PRDM1: variants seen among roughly 807,000 people sequenced by gnomAD.
PRDM1 encodes the protein PR/SET domain 1.
A neutral mutation model predicts 62.8 loss-of-function variants in PRDM1; 13 were observed. The observed-to-expected ratio is 0.21, with a 90% CI of 0.13 to 0.33. The LOEUF (loss-of-function observed/expected upper bound fraction) is 0.33, where lower values mean the gene tolerates loss of function less well. Ranked by LOEUF, PRDM1 falls within the 10% of genes least tolerant of loss-of-function variation. PRDM1 has a pLI of 1.00. For synonymous variants in PRDM1, 396 were observed against 417.6 expected, an observed-to-expected ratio of 0.95 and a Z score of 0.63; for missense variants, 895 against 1,058.8, an observed-to-expected ratio of 0.85 and a Z score of 2.15.
intron 1 of PRDM1, among the ~76,000 whole-genome samples, chr6:106,012,683 C>T (rs1306685727): frequency 6.6e-6 from 1 of 152,158 alleles, no homozygotes; most frequent in Admixed American, 6.5e-5. Flanking sequence ...GCAACTCCCC[C>T]TCTCCCAGCA....
chr6:105,999,835 A>G (rs1378479937), intron 1 of PRDM1, among the ~76,000 whole-genome samples: 1 of 152,190 alleles, frequency 6.6e-6, no homozygotes, highest in Non-Finnish European at 1.5e-5. Context: ...AGGGCAAAGT[A>G]TGTGACCTTC....
intron 1 of PRDM1, among the ~76,000 whole-genome samples, chr6:106,074,996 T>C (rs892185271): frequency 6.6e-6 from 1 of 152,196 alleles, no homozygotes; most frequent in African/African-American, 2.4e-5. Context: ...TTAAGGTTAA[T>C]AGTCATCATT....
chr6:106,011,432 A>G (rs763415689), intron 1 of PRDM1, among the ~76,000 whole-genome samples: 22 of 152,154 alleles, frequency 1.4e-4, no homozygotes, highest in Non-Finnish European at 4.4e-5. Context: ...CTGGGAGAAT[A>G]CCAGGACTTG....
intron 1 of PRDM1, among the ~76,000 whole-genome samples, chr6:106,080,220 T>C (rs1476714919): frequency 1.3e-5 from 2 of 152,228 alleles, no homozygotes; most frequent in Non-Finnish European, 2.9e-5. Context: ...CATAAGCACA[T>C]GCAGATTTGG....
intron 1 of PRDM1, among the ~76,000 whole-genome samples, chr6:106,072,664 C>T (rs1773537465): frequency 1.3e-5 from 2 of 152,242 alleles, no homozygotes; most frequent in African/African-American, 2.4e-5. Flanking sequence ...GTGGCTTCTC[C>T]TGCTGTCTGC....
rs1774528151 is a variant in PRDM1, at chr6:106,107,432, A to G, written c.2424A>G (p.Leu808=). The G allele has an allele frequency of 6.2e-7, 1 of 1,613,854 alleles. No individual in the cohort carries two copies. Among genetic ancestry groups the G allele is most frequent in the African/African-American group, 1.3e-5 (1 of 74,948 alleles). Residue 808 remains leucine (L), a synonymous_variant, in exon 7 of 7, where the codon CTA becomes CTG. Transcript: ENST00000369096. ...TGAAGTTGCCTCCCAGCAACCCACT[A>G]CCTCTGGTACCTGTAAAGGTCAAAC... ...PLMKLPPSNP[L]PLVPVKVKQE...
chr6:106,097,509 C>G (rs1247770333), intron 3 of PRDM1, among the ~76,000 whole-genome samples: 1 of 152,184 alleles, frequency 6.6e-6, no homozygotes, highest in Non-Finnish European at 1.5e-5. Context: ...AAGTTTCATG[C>G]AAATTACACT....
intron 1 of PRDM1, among the ~76,000 whole-genome samples, chr6:105,998,886 AATACATATATATATATATATATATAT>A (rs1772385447): frequency 7.7e-6 from 1 of 130,118 alleles, no homozygotes; most frequent in East Asian, 2.2e-4. Flanking sequence ...TTTAAAAGTT[AATACATATATATATATATATATATAT>A]ATATATATAT....
chr6:106,105,897 T>C lies in PRDM1; in HGVS notation c.1737T>C (p.Val579=). ...GCAAGATCAAGTACGAATGCAACGT[T>C]TGCGCCAAGACTTTCGGCCAGCTCT... ...QNGKIKYECN[V]CAKTFGQLSN... The change falls in exon 5 of 7, where the codon GTT becomes GTC. Residue 579 remains valine (V), a synonymous_variant. Transcript: ENST00000369096. 6.2e-7 allele frequency: 1 copy of C among 1,613,934 alleles called. No individual in the cohort carries two copies. The highest frequency in any genetic ancestry group is 8.5e-7 in the Non-Finnish European group (1 of 1,179,914).
At chr6:106,014,071 T>C (rs1013590479) in intron 1 of PRDM1, among the ~76,000 whole-genome samples, 2 of 147,728 alleles carry the variant, frequency 1.4e-5, no homozygotes, top group African/African-American at 5.0e-5. Flanking sequence ...TTTTTTTTTT[T>C]TTTTTTTTTT....
chr6:106,084,341 C>T (rs1773749407), upstream of PRDM1, among the ~76,000 whole-genome samples: 4 of 152,164 alleles, frequency 2.6e-5, no homozygotes, highest in Admixed American at 2.6e-4. Context: ...AGTTTGCGTC[C>T]TCCCTAGACT....
At chr6:106,068,913 G>A (rs1410552651) in intron 1 of PRDM1, among the ~76,000 whole-genome samples, 2 of 152,166 alleles carry the variant, frequency 1.3e-5, no homozygotes, top group Admixed American at 6.5e-5. Flanking sequence ...CCACTGTTAG[G>A]TCAGCAAGGG....
At chr6:106,001,633 A>T (rs1296969625) in intron 1 of PRDM1, among the ~76,000 whole-genome samples, 1 of 152,096 alleles carries the variant, frequency 6.6e-6, no homozygotes, top group Non-Finnish European at 1.5e-5. Context: ...CATCTCTATC[A>T]TGTATCAGTT....
intron 4 of PRDM1, among the ~76,000 whole-genome samples, chr6:106,101,451 G>T (rs1207876546): frequency 1.3e-5 from 2 of 152,190 alleles, no homozygotes; most frequent in Non-Finnish European, 2.9e-5. Flanking sequence ...ACTGTGAAAT[G>T]ACACCTTTTA....
intron 1 of PRDM1, among the ~76,000 whole-genome samples, chr6:106,015,997 C>T (rs1287185552): frequency 6.6e-6 from 1 of 152,118 alleles, no homozygotes; most frequent in Non-Finnish European, 1.5e-5. Context: ...TTTCCCCTTC[C>T]TCAGCCCCTG....
At chr6:106,036,836 T>A (rs1391546809) in intron 1 of PRDM1, among the ~76,000 whole-genome samples, 2 of 151,974 alleles carry the variant, frequency 1.3e-5, no homozygotes, top group African/African-American at 2.4e-5. Context: ...AATTTAGAGA[T>A]GGGGTCTTGC....
intron 2 of PRDM1, among the ~76,000 whole-genome samples, chr6:106,093,472 G>T (rs1774014856): frequency 6.6e-6 from 1 of 152,146 alleles, no homozygotes; most frequent in South Asian, 2.1e-4. Context: ...AATATCAACT[G>T]CTAATTATTG....
At chr6:106,094,895 C>A (rs943004993) in intron 2 of PRDM1, among the ~76,000 whole-genome samples, 1 of 140,052 alleles carries the variant, frequency 7.1e-6, no homozygotes, top group Non-Finnish European at 1.6e-5. Flanking sequence ...AGTGGGAGAC[C>A]TTGTCTTTAA....
chr6:106,047,149 T>C (rs1255803728), upstream of PRDM1, among the ~76,000 whole-genome samples: 2 of 152,208 alleles, frequency 1.3e-5, no homozygotes, highest in African/African-American at 2.4e-5. Context: ...CATTTTGATT[T>C]TTCTGCTAAC....
Sources: allele counts gnomAD v4.1 joint callset (sites outside exome capture counted in the v4.1 genomes callset), GRCh38; gene constraint gnomAD v4.1.1; transcripts MANE v1.5; gene names NCBI Gene and HGNC (gene_info 2026-07-23, HGNC 2026-07-21).